The following PLPP4 variants were observed in gnomAD, a reference collection of about 807,000 sequenced individuals.
PLPP4 encodes phospholipid phosphatase 4.
In PLPP4, 20 loss-of-function variants were observed where a neutral mutation model predicts 32.2. The ratio of observed to expected loss-of-function variants is 0.62; its 90% CI spans 0.44 to 0.90. The LOEUF (loss-of-function observed/expected upper bound fraction) is 0.90. Ranked by LOEUF, PLPP4 falls within the 40% of genes least tolerant of loss-of-function variation. The probability of loss-of-function intolerance (pLI) is 0.00; values close to 1 mark genes in which losing one functional copy is unlikely to be tolerated. For synonymous variants in PLPP4, 127 were observed against 133.0 expected (o/e 0.95, Z 0.31); for missense variants, 257 against 353.1 (o/e 0.73, Z 2.18).
At chr10:120,564,780 T>C (rs1318980749) in intron 5 of PLPP4, among the ~76,000 whole-genome samples, 3 of 152,024 alleles carry the variant, frequency 2.0e-5, no homozygotes, top group Non-Finnish European at 4.4e-5. Flanking sequence ...TTATACAGAA[T>C]TGTATTCATT....
chr10:120,553,264 A>G (rs1168501912), intron 5 of PLPP4, among the ~76,000 whole-genome samples: 4 of 152,150 alleles, frequency 2.6e-5, no homozygotes, highest in Non-Finnish European at 4.4e-5. Flanking sequence ...CACCAATGTC[A>G]TGGTTTTAGG....
At chr10:120,494,169 T>C (rs1186541028) in intron 1 of PLPP4, among the ~76,000 whole-genome samples, 1 of 152,194 alleles carries the variant, frequency 6.6e-6, no homozygotes, top group East Asian at 1.9e-4. Flanking sequence ...AAACAAGACA[T>C]AACATTGGGC....
intron 6 of PLPP4, among the ~76,000 whole-genome samples, chr10:120,583,400 T>C (rs1849608661): frequency 2.0e-5 from 3 of 152,116 alleles, no homozygotes; most frequent in Non-Finnish European, 4.4e-5. Flanking sequence ...CATTGGAGTT[T>C]ATCTGGCTCA....
chr10:120,541,765 G>A (rs901948045), intron 5 of PLPP4, among the ~76,000 whole-genome samples: 4 of 131,160 alleles, frequency 3.0e-5, no homozygotes, highest in African/African-American at 8.5e-5. Flanking sequence ...AGCATGAAGT[G>A]CCATTTAAGT....
intron 5 of PLPP4, among the ~76,000 whole-genome samples, chr10:120,554,667 A>C (rs368619758): frequency 6.7e-4 from 1 of 1,498 alleles, no homozygotes; most frequent in Non-Finnish European, 0.015. Context: ...AGGGAGCATG[A>C]CGGGGAGGTC....
At chr10:120,559,215 A>G (rs983680633) in intron 5 of PLPP4, among the ~76,000 whole-genome samples, 3 of 151,738 alleles carry the variant, frequency 2.0e-5, no homozygotes, top group African/African-American at 7.3e-5. Flanking sequence ...CTCATTAATT[A>G]TTAGGGTTTT....
chr10:120,471,848 T>G (rs980607446), intron 1 of PLPP4, among the ~76,000 whole-genome samples: 2 of 152,000 alleles, frequency 1.3e-5, no homozygotes, highest in African/African-American at 4.8e-5. Context: ...GATACTTGTT[T>G]GTATTCCATT....
At chr10:120,504,161 CAT>C (rs991745113) in intron 2 of PLPP4, among the ~76,000 whole-genome samples, 29 of 152,306 alleles carry the variant, frequency 1.9e-4, no homozygotes, top group African/African-American at 6.7e-4. Flanking sequence ...AGCACTCAAA[CAT>C]AAATTTAATT....
chr10:120,546,065 C>T (rs920755752), intron 5 of PLPP4, among the ~76,000 whole-genome samples: 6 of 152,130 alleles, frequency 3.9e-5, no homozygotes, highest in Admixed American at 6.5e-5. Context: ...CAGGGGCTCT[C>T]GGGCCTACAG....
At position 120,513,999 on chromosome 10, in the gene PLPP4, T is replaced by TTA; in HGVS notation, c.254_255insTA (p.Leu85PhefsTer10). 1 of 1,607,448 alleles carries TTA rather than the reference T, an allele frequency of 6.2e-7. No homozygotes were observed. The highest frequency in any genetic ancestry group is 8.5e-7 in the Non-Finnish European group (1 of 1,173,910). ...AAGACTGAAATTAAGGAAGCCTTCTTAGGTAGAGTATTCACAGTTCCTGCT... is the reference window on the plus strand; with the variant it reads ...AAGACTGAAATTAAGGAAGCCTTCTTTAAGGTAGAGTATTCACAGTTCCTGCT... On this transcript the variant is annotated frameshift_variant and splice_region_variant, in exon 3 of 7. Transcript: ENST00000398250. LOFTEE classifies it high-confidence loss of function.
chr10:120,457,990 C>G (rs1293479861), intron 1 of PLPP4, among the ~76,000 whole-genome samples: 1 of 152,214 alleles, frequency 6.6e-6, no homozygotes, highest in Admixed American at 6.5e-5. Flanking sequence ...CGGAGGCCCT[C>G]CAGGGGTAGC....
intron 1 of PLPP4, among the ~76,000 whole-genome samples, chr10:120,464,515 A>T (rs953358118): frequency 6.6e-6 from 1 of 152,174 alleles, no homozygotes; most frequent in African/African-American, 2.4e-5. Flanking sequence ...CTCAAAAGTG[A>T]GGGATGTACC....
chr10:120,466,398 A>G (rs550994685), intron 1 of PLPP4, among the ~76,000 whole-genome samples: 105 of 152,304 alleles, frequency 6.9e-4, no homozygotes, highest in African/African-American at 2.4e-3. Flanking sequence ...AAATGAATAA[A>G]TAAATTGGAG....
intron 1 of PLPP4, among the ~76,000 whole-genome samples, chr10:120,502,497 T>C (rs1845301504): frequency 6.6e-6 from 1 of 152,104 alleles, no homozygotes; most frequent in Non-Finnish European, 1.5e-5. Flanking sequence ...CAAATAGATG[T>C]TAACTTCTGT....
intron 5 of PLPP4, among the ~76,000 whole-genome samples, chr10:120,574,160 ACACACACACTCTCTCTCTCTCTCTCT>A (rs1229604405): frequency 1.2e-3 from 146 of 117,674 alleles, no homozygotes; most frequent in African/African-American, 4.3e-3. Flanking sequence ...ACACACACAC[ACACACACACTCTCTCTCTCTCTCTCT>A]CTCTCTCTCT....
At chr10:120,581,128 T>A in intron 6 of PLPP4, 2 of 1,218,680 alleles carry the variant, frequency 1.6e-6, no homozygotes, top group Non-Finnish European at 2.1e-6. Context: ...TCAGGACTTC[T>A]GCCCTCTTCC....
At chr10:120,529,298 A>C (rs1159525276) in intron 5 of PLPP4, among the ~76,000 whole-genome samples, 2 of 152,176 alleles carry the variant, frequency 1.3e-5, no homozygotes, top group Non-Finnish European at 2.9e-5. Context: ...CCCCTGTGGC[A>C]AAGAATTATC....
intron 5 of PLPP4, among the ~76,000 whole-genome samples, chr10:120,527,647 A>T (rs1353560677): frequency 2.0e-5 from 3 of 152,120 alleles, no homozygotes; most frequent in African/African-American, 7.2e-5. Context: ...TACCATCATG[A>T]TGGTCTAATG....
chr10:120,550,531 T>C (rs1214079742), intron 5 of PLPP4, among the ~76,000 whole-genome samples: 1 of 151,912 alleles, frequency 6.6e-6, no homozygotes, highest in Non-Finnish European at 1.5e-5. Flanking sequence ...TTTCAAGAGT[T>C]CTTATAAAGT....
Sources: gnomAD v4.1 joint callset for allele counts (sites outside exome capture counted in the v4.1 genomes callset) on GRCh38, gnomAD v4.1.1 for gene constraint, MANE v1.5 for transcripts, NCBI Gene and HGNC (gene_info 2026-07-23, HGNC 2026-07-21) for gene names.